Variants in FRMD4A observed in about 807,000 individuals in gnomAD.
The protein encoded by FRMD4A is FERM domain containing 4A.
Under a neutral mutation model 129.1 loss-of-function variants are expected in FRMD4A, and 29 were observed. That is an observed-to-expected ratio of 0.22 (90% CI 0.17 to 0.31). The LOEUF is 0.31. FRMD4A is among the 10% of genes least tolerant of loss of function. The probability of loss-of-function intolerance (pLI) is 1.00; values close to 1 mark genes in which losing one functional copy is unlikely to be tolerated. For missense variants in FRMD4A, 1,272 were observed against 1,375.8 expected (o/e 0.92, Z 1.19); for synonymous variants, 634 against 571.6 (o/e 1.11, Z -1.56).
intron 2 of FRMD4A, among the ~76,000 whole-genome samples, chr10:14,231,214 T>C (rs1481945509): frequency 6.6e-6 from 1 of 152,226 alleles, no homozygotes; most frequent in Non-Finnish European, 1.5e-5. Context: ...TTTCCATTGT[T>C]GCTGAACTAA....
Position 14,086,437 on chromosome 10 carries a change from AT to A in FRMD4A, c.46-227526del, listed in dbSNP as rs138549831. Among the ~76,000 whole-genome samples the A allele has an allele frequency of 4.2e-3, 633 of 152,328 alleles. 2 individuals carry two copies. The highest frequency in any genetic ancestry group is 6.8e-3 in the Non-Finnish European group (465 of 68,028). Reference sequence around the variant, plus strand: ...TGTTAGAAAAAAATTATGTAAAAAAATCTTCATAGCTTATTTTTTATAATTT... The same window carrying A: ...TGTTAGAAAAAAATTATGTAAAAAAACTTCATAGCTTATTTTTTATAATTT... On this transcript the variant is annotated intron_variant, in intron 2 of 24. Coordinates refer to ENST00000357447, the MANE Select transcript of FRMD4A (RefSeq NM_018027.5).
chr10:14,100,028 A>G (rs774799620), intron 2 of FRMD4A, among the ~76,000 whole-genome samples: 76 of 152,166 alleles, frequency 5.0e-4, no homozygotes, highest in Non-Finnish European at 8.4e-4. Context: ...GGGGTACAGC[A>G]CAGATCTCTG....
intron 6 of FRMD4A, among the ~76,000 whole-genome samples, chr10:13,779,119 C>T (rs1454916966): frequency 6.6e-6 from 1 of 152,026 alleles, no homozygotes; most frequent in Non-Finnish European, 1.5e-5. Context: ...GCGTTCGAGA[C>T]CGGCCTGACT....
At chr10:13,756,382 G>T (rs957129738) in intron 8 of FRMD4A, among the ~76,000 whole-genome samples, 3 of 152,158 alleles carry the variant, frequency 2.0e-5, no homozygotes, top group Non-Finnish European at 4.4e-5. Context: ...TTGAGACAGG[G>T]TCTCGCTCTA....
chr10:14,016,808 T>C (rs2095700655), intron 2 of FRMD4A, among the ~76,000 whole-genome samples: 1 of 152,226 alleles, frequency 6.6e-6, no homozygotes, highest in East Asian at 1.9e-4. Context: ...ACTCGATCTT[T>C]CTGGCAAGGA....
chr10:14,298,269 G>A (rs545956771), intron 2 of FRMD4A, among the ~76,000 whole-genome samples: 3 of 152,282 alleles, frequency 2.0e-5, no homozygotes, highest in Admixed American at 2.0e-4. Flanking sequence ...ATATACACCA[G>A]TACACCAGTA....
At chr10:14,089,640 C>CAAAAAAAAAAAAAAAAAAAAAAA (rs759243260) in intron 2 of FRMD4A, among the ~76,000 whole-genome samples, 11 of 70,262 alleles carry the variant, frequency 1.6e-4, no homozygotes, top group African/African-American at 3.5e-4. Flanking sequence ...CAAAAAAAAA[C>CAAAAAAAAAAAAAAAAAAAAAAA]AAACAAAAAA....
intron 2 of FRMD4A, among the ~76,000 whole-genome samples, chr10:14,117,938 G>A (rs1237751344): frequency 3.9e-5 from 6 of 152,052 alleles, no homozygotes; most frequent in Non-Finnish European, 7.4e-5. Flanking sequence ...AAGTACCCTC[G>A]TGCCTCATGG....
At chr10:13,793,042 G>A (rs74121686) in intron 5 of FRMD4A, among the ~76,000 whole-genome samples, 3,452 of 152,314 alleles carry the variant, frequency 0.023, 119 homozygotes, top group African/African-American at 0.076. Flanking sequence ...TATTATATCA[G>A]AAGAATATAT....
At chr10:13,893,797 C>A (rs535237390) in intron 2 of FRMD4A, among the ~76,000 whole-genome samples, 1 of 152,216 alleles carries the variant, frequency 6.6e-6, no homozygotes, top group Admixed American at 6.5e-5. Context: ...AGGCGTGAGC[C>A]ACCGCACCCA....
intron 2 of FRMD4A, among the ~76,000 whole-genome samples, chr10:13,948,452 A>G (rs2095348293): frequency 6.6e-6 from 1 of 152,092 alleles, no homozygotes; most frequent in African/African-American, 2.4e-5. Flanking sequence ...GAGCCACTAA[A>G]GGTACTGATA....
At chr10:13,794,545 T>C (rs1251634316) in intron 5 of FRMD4A, among the ~76,000 whole-genome samples, 1 of 152,092 alleles carries the variant, frequency 6.6e-6, no homozygotes, top group Admixed American at 6.6e-5. Flanking sequence ...AATTTGGCTT[T>C]GGACCTGCTG....
intron 17 of FRMD4A, 101 bp from the exon 18 acceptor site, chr10:13,666,426 G>C: frequency 1.3e-6 from 1 of 778,268 alleles, no homozygotes; most frequent in Non-Finnish European, 2.1e-6. Flanking sequence ...TTCCATGGGA[G>C]ACACTCTTAA....
At chr10:13,791,485 G>T (rs1247696593) in intron 5 of FRMD4A, among the ~76,000 whole-genome samples, 1 of 152,128 alleles carries the variant, frequency 6.6e-6, no homozygotes, top group African/African-American at 2.4e-5. Context: ...GAGAAAGTGT[G>T]AGCAGCAAAG....
At chr10:13,991,536 T>C (rs1044491444) in intron 2 of FRMD4A, among the ~76,000 whole-genome samples, 1 of 152,244 alleles carries the variant, frequency 6.6e-6, no homozygotes, top group Non-Finnish European at 1.5e-5. Context: ...GGAGTGGCTC[T>C]GTTCTGTCAG....
chr10:14,262,885 T>C (rs1016699223), intron 2 of FRMD4A, among the ~76,000 whole-genome samples: 2 of 152,046 alleles, frequency 1.3e-5, no homozygotes, highest in African/African-American at 4.8e-5. Context: ...ATTAAACAAG[T>C]CAGCATACTG....
intron 15 of FRMD4A, chr10:13,684,905 C>A: frequency 2.0e-6 from 2 of 984,530 alleles, no homozygotes; most frequent in Non-Finnish European, 2.4e-6. Flanking sequence ...GCGGTATATT[C>A]CCAGCAGATC....
chr10:14,135,942 G>A (rs1208067289), intron 2 of FRMD4A, among the ~76,000 whole-genome samples: 1 of 152,210 alleles, frequency 6.6e-6, no homozygotes, highest in East Asian at 1.9e-4. Context: ...TGAAATGCAT[G>A]TTCAACTTAT....
chr10:14,109,118 T>C (rs1252087545), intron 2 of FRMD4A, among the ~76,000 whole-genome samples: 2 of 151,116 alleles, frequency 1.3e-5, no homozygotes, highest in Admixed American at 1.3e-4. Flanking sequence ...GATTCCAAGC[T>C]CCTCACCCTC....
Sources: gnomAD v4.1 joint callset for allele counts (sites outside exome capture counted in the v4.1 genomes callset) on GRCh38, gnomAD v4.1.1 for gene constraint, MANE v1.5 for transcripts, NCBI Gene and HGNC (gene_info 2026-07-23, HGNC 2026-07-21) for gene names.